The following LANCL2 variants were observed in gnomAD, a reference collection of about 807,000 sequenced individuals.
The protein encoded by LANCL2 is LanC like glutathione S-transferase 2, also known as lanC-like protein 2.
Under a neutral mutation model 56.9 loss-of-function variants are expected in LANCL2, and 33 were observed. The ratio of observed to expected loss-of-function variants is 0.58; its 90% confidence interval spans 0.44 to 0.78. The LOEUF (loss-of-function observed/expected upper bound fraction) is 0.78, where lower values mean the gene tolerates loss of function less well. Among genes scored for constraint, LANCL2 ranks in the 30% least tolerant of loss-of-function variants. The probability of loss-of-function intolerance (pLI) is 0.00; values close to 1 mark genes in which losing one functional copy is unlikely to be tolerated. For missense variants in LANCL2, 562 were observed against 580.2 expected (o/e 0.97, Z 0.32); for synonymous variants, 233 against 228.2 (o/e 1.02, Z -0.19).
At chr7:55,425,190 A>G in intron 6 of LANCL2, 64 bp from the exon 7 acceptor site, 1 of 1,513,044 alleles carries the variant, frequency 6.6e-7, no homozygotes, top group Non-Finnish European at 9.1e-7. Flanking sequence ...AGAAAGGGAA[A>G]GTATTTTGCC....
Position 55,401,282 on chromosome 7 carries a change from G to T in LANCL2, c.787G>T (p.Ala263Ser), listed in dbSNP as rs1332076193. The T allele has an allele frequency of 6.2e-7, 1 of 1,614,134 alleles. No individual in the cohort carries two copies. The highest frequency in any genetic ancestry group is 1.1e-5 in the South Asian group (1 of 91,084). The change falls in exon 5 of 9, where the codon GCC (alanine) becomes TCC (serine). Residue 263 changes from alanine (A) to serine (S), a missense_variant. By Grantham distance (99) the Ala-to-Ser change is moderately conservative. Coordinates refer to ENST00000254770, the MANE Select transcript of LANCL2 (RefSeq NM_018697.4). ...QWHRKQYVGA[A>S]HGMAGIYYML... The stretch of plus-strand genomic sequence containing the variant: ...GCACCGGAAGCAGTACGTTGGAGCA[G>T]CCCATGGCATGGCTGGAATTTACTA...
chr7:55,380,301 C>G (rs1238509894), intron 1 of LANCL2, among the ~76,000 whole-genome samples: 2 of 152,112 alleles, frequency 1.3e-5, no homozygotes, highest in African/African-American at 4.8e-5. Context: ...ATTTGCCCAT[C>G]TCTGAATGCT....
At chr7:55,389,201 TTCCAGTTTTTAAAAAA>T (rs1295117036) in intron 1 of LANCL2, among the ~76,000 whole-genome samples, 1 of 152,164 alleles carries the variant, frequency 6.6e-6, no homozygotes, top group East Asian at 1.9e-4. Context: ...GTTGAATTCA[TTCCAGTTTTTAAAAAA>T]TACAGCCTAG....
At chr7:55,415,874 A>G (rs751464078) in intron 6 of LANCL2, among the ~76,000 whole-genome samples, 6 of 151,974 alleles carry the variant, frequency 3.9e-5, no homozygotes, top group Non-Finnish European at 8.8e-5. Flanking sequence ...CTTGGCCTCC[A>G]AAACTGCTGG....
Position 55,370,747 on chromosome 7 carries a change from C to A in LANCL2, c.204+4518C>A, listed in dbSNP as rs537953495. Among the ~76,000 whole-genome samples the A allele has an allele frequency of 2.0e-5, 3 of 152,098 alleles. No individual in the cohort carries two copies. The East Asian group carries it at 5.8e-4, about 29-fold the overall frequency. ...AGTTAGGGAACTCCATGAGCAAGGA[C>A]TTAAGGGATACCACATTATGAGAAT... On this transcript the variant is annotated intron_variant, in intron 1 of 8. Coordinates refer to ENST00000254770, the MANE Select transcript of LANCL2 (RefSeq NM_018697.4).
chr7:55,376,995 T>C (rs1446016674), intron 1 of LANCL2, among the ~76,000 whole-genome samples: 1 of 152,258 alleles, frequency 6.6e-6, no homozygotes, highest in African/African-American at 2.4e-5. Flanking sequence ...TATTTTATCA[T>C]ATATGAAGTT....
intron 5 of LANCL2, among the ~76,000 whole-genome samples, chr7:55,411,629 C>A (rs1286457846): frequency 6.6e-6 from 1 of 152,170 alleles, no homozygotes; most frequent in East Asian, 1.9e-4. Flanking sequence ...AACCTATCTA[C>A]TCCTAGGTTC....
intron 6 of LANCL2, among the ~76,000 whole-genome samples, chr7:55,414,612 G>A (rs903629599): frequency 6.6e-6 from 1 of 152,072 alleles, no homozygotes; most frequent in Non-Finnish European, 1.5e-5. Context: ...ATTTAGTAGG[G>A]TATATACTCT....
chr7:55,407,387 C>T (rs815991), intron 5 of LANCL2, among the ~76,000 whole-genome samples: 91,656 of 152,012 alleles, frequency 0.6, 30,341 homozygotes, highest in African/African-American at 0.88. Context: ...GTCACTTTTC[C>T]GAAGAAACAA....
intron 6 of LANCL2, among the ~76,000 whole-genome samples, chr7:55,415,250 A>T (rs919966403): frequency 4.6e-5 from 7 of 152,218 alleles, no homozygotes; most frequent in East Asian, 1.9e-4. Flanking sequence ...CAAAAAAAGC[A>T]TATAATACCC....
chr7:55,403,549 G>GT (rs1268677271), intron 5 of LANCL2, among the ~76,000 whole-genome samples: 14 of 147,210 alleles, frequency 9.5e-5, no homozygotes, highest in Non-Finnish European at 1.6e-4. Context: ...ACTTTTCTGG[G>GT]TTTTTTTTGT....
intron 1 of LANCL2, among the ~76,000 whole-genome samples, chr7:55,388,294 C>G (rs1054094868): frequency 6.6e-6 from 1 of 152,110 alleles, no homozygotes; most frequent in Non-Finnish European, 1.5e-5. Flanking sequence ...ATCTGTAATC[C>G]CAGCCCTTTG....
chr7:55,425,146 T>A (rs987142632), intron 6 of LANCL2, 108 bp from the exon 7 acceptor site: 13 of 1,096,034 alleles, frequency 1.2e-5, no homozygotes, highest in Non-Finnish European at 1.7e-5. Flanking sequence ...CCAGTGCCAT[T>A]TCAGTTTTCC....
In LANCL2 at chr7:55,432,264, A is replaced by G. The variant is rs1328153445; in HGVS notation, c.*944A>G. On this transcript the variant is annotated 3_prime_UTR_variant, in exon 9 of 9. Transcript: ENST00000254770. ...ACTCAACTGGACTCATGTCCCTGCA[A>G]TTAAACTTACTTCAACCTTTTGGAA... The G allele has an allele frequency of 6.6e-6, 1 of 152,242 alleles. No homozygotes were observed. The highest frequency in any genetic ancestry group is 2.1e-4 in the South Asian group (1 of 4,828). 9.4% of individuals were successfully genotyped at this position (152,242 alleles called of 1,614,324 possible).
chr7:55,415,621 C>CTTTTTTTTCTTTTTTTTTTTTTTTTTT lies in LANCL2; in HGVS notation c.1008+3540_1008+3541insCTTTTTTTTTTTTTTTTTTTTTTTTTT, dbSNP rs71031852. On this transcript the variant is annotated intron_variant, in intron 6 of 8. Coordinates refer to ENST00000254770, the MANE Select transcript of LANCL2 (RefSeq NM_018697.4). ...CCATAGTTTATCATTGTTTTTCTTT[C>CTTTTTTTTCTTTTTTTTTTTTTTTTTT]TTTTTTTTGAGACACAGTGTCGCTC... 3.6e-5 allele frequency among the ~76,000 whole-genome samples: 4 copies of CTTTTTTTTCTTTTTTTTTTTTTTTTTT among 111,770 alleles called. 1 individual carries two copies. The highest frequency in any genetic ancestry group is 7.4e-5 in the Non-Finnish European group (4 of 54,368). 73.3% of individuals were successfully genotyped at this position (111,770 alleles called of 152,430 possible).
intron 5 of LANCL2, among the ~76,000 whole-genome samples, chr7:55,406,747 T>C (rs1393937104): frequency 6.6e-6 from 1 of 152,230 alleles, no homozygotes; most frequent in African/African-American, 2.4e-5. Context: ...TCCACTTTCA[T>C]GATAGCAGAA....
chr7:55,404,237 G>A (rs114363761), intron 5 of LANCL2, among the ~76,000 whole-genome samples: 1 of 151,916 alleles, frequency 6.6e-6, no homozygotes. Context: ...CTCTGCCACC[G>A]CCTCCTCCTC....
intron 1 of LANCL2, among the ~76,000 whole-genome samples, chr7:55,374,663 A>ATG (rs1231487020): frequency 6.6e-6 from 1 of 152,212 alleles, no homozygotes; most frequent in African/African-American, 2.4e-5. Flanking sequence ...CTTGCTAGGT[A>ATG]TGTAACATCA....
At chr7:55,368,753 A>G (rs748119462) in intron 1 of LANCL2, among the ~76,000 whole-genome samples, 4 of 151,640 alleles carry the variant, frequency 2.6e-5, no homozygotes, top group Middle Eastern at 3.2e-3. Context: ...GAACCTCAGA[A>G]TGTGACATTT....
Sources: gnomAD v4.1 joint callset for allele counts (sites outside exome capture counted in the v4.1 genomes callset) on GRCh38, gnomAD v4.1.1 for gene constraint, MANE v1.5 for transcripts, NCBI Gene and HGNC (gene_info 2026-07-23, HGNC 2026-07-21) for gene names.